NAALADL2: variants seen among roughly 807,000 people sequenced by gnomAD.
The protein encoded by NAALADL2 is inactive N-acetylated-alpha-linked acidic dipeptidase-like protein 2.
Under a neutral mutation model 87.2 loss-of-function variants are expected in NAALADL2, and 76 were observed. The ratio of observed to expected loss-of-function variants is 0.87; its 90% CI spans 0.72 to 1.05. The LOEUF (loss-of-function observed/expected upper bound fraction) is 1.05. Ranked by LOEUF, NAALADL2 falls within the 50% of genes least tolerant of loss-of-function variation. The pLI, the probability that NAALADL2 is intolerant of heterozygous loss-of-function variation, is 0.00. For synonymous variants in NAALADL2, 354 were observed against 331.0 expected (o/e 1.07, Z -0.75); for missense variants, 1,089 against 945.8 (o/e 1.15, Z -1.99).
At chr3:174,848,571 CACTG>C (rs1234428074) in intron 3 of NAALADL2, among the ~76,000 whole-genome samples, 2 of 152,264 alleles carry the variant, frequency 1.3e-5, no homozygotes, top group East Asian at 1.9e-4. Flanking sequence ...ATAGAGGACT[CACTG>C]ACTGTGAGCC....
At chr3:174,511,090 G>T (rs1719571673) in intron 1 of NAALADL2, among the ~76,000 whole-genome samples, 1 of 151,862 alleles carries the variant, frequency 6.6e-6, no homozygotes, top group Non-Finnish European at 1.5e-5. Context: ...AATTTATTAA[G>T]ATTTTTTTAT....
In NAALADL2 at chr3:175,388,976, CTATTT is replaced by C. The variant is rs747804943; in HGVS notation, c.1091-58251_1091-58247del. Among the ~76,000 whole-genome samples, 107 of 152,116 alleles carry C rather than the reference CTATTT, an allele frequency of 7.0e-4. 1 individual carries two copies. The highest frequency in any genetic ancestry group is 1.2e-3 in the Non-Finnish European group (83 of 67,962). On this transcript the variant is annotated intron_variant, in intron 5 of 13. Transcript: ENST00000454872. ...AAATTATTCTGCCCTGATGAGTATTCTATTTTGTTTCTGTTTAATGGTACTTTTTA... is the reference window on the plus strand; with the variant it reads ...AAATTATTCTGCCCTGATGAGTATTCTGTTTCTGTTTAATGGTACTTTTTA...
At chr3:175,569,224 C>A (rs1717665040) in intron 9 of NAALADL2, among the ~76,000 whole-genome samples, 1 of 152,074 alleles carries the variant, frequency 6.6e-6, no homozygotes, top group Non-Finnish European at 1.5e-5. Context: ...TGCCCAGGAC[C>A]ACATCTATAA....
At chr3:175,393,488 T>C (rs1393298454) in intron 5 of NAALADL2, among the ~76,000 whole-genome samples, 1 of 152,008 alleles carries the variant, frequency 6.6e-6, no homozygotes. Flanking sequence ...TTTTAGGTTA[T>C]AATTCTCAGT....
intron 2 of NAALADL2, among the ~76,000 whole-genome samples, chr3:174,610,186 C>T (rs1370477180): frequency 1.1e-4 from 12 of 108,404 alleles, no homozygotes; most frequent in Admixed American, 3.2e-4. Flanking sequence ...AAGACTTAAA[C>T]GTTAGACCTA....
At chr3:174,649,106 G>T (rs1724097915) in intron 2 of NAALADL2, among the ~76,000 whole-genome samples, 1 of 152,018 alleles carries the variant, frequency 6.6e-6, no homozygotes, top group Admixed American at 6.6e-5. Flanking sequence ...TGGGATTACA[G>T]GCTCCTGCCA....
chr3:174,568,753 C>G (rs1422999199), intron 2 of NAALADL2, among the ~76,000 whole-genome samples: 1 of 151,400 alleles, frequency 6.6e-6, no homozygotes, highest in Non-Finnish European at 1.5e-5. Flanking sequence ...TTCTGAATCC[C>G]CATGCCATAT....
At chr3:174,990,897 G>A (rs552637020) in intron 1 of NAALADL2, among the ~76,000 whole-genome samples, 1 of 152,190 alleles carries the variant, frequency 6.6e-6, no homozygotes, top group Admixed American at 6.6e-5. Flanking sequence ...GAAGTGAAAG[G>A]CACTCCCCTA....
Position 174,908,896 on chromosome 3 carries a change from C to T in NAALADL2, c.43+49446C>T, listed in dbSNP as rs184295680. Among the ~76,000 whole-genome samples, 764 of 151,422 alleles carry T rather than the reference C, an allele frequency of 5.0e-3. 4 individuals are homozygous for T. Among genetic ancestry groups the T allele is most frequent in the Middle Eastern group, 0.02 (6 of 294 alleles). ...CTAATTTTAAAGAAGAAAAGGAATC[C>T]GAAAGAGGGATGGCTATAGCAACCT... On this transcript the variant is annotated intron_variant, in intron 1 of 13. Transcript: ENST00000454872.
chr3:174,576,268 A>G (rs761642310), intron 2 of NAALADL2, among the ~76,000 whole-genome samples: 4 of 152,208 alleles, frequency 2.6e-5, no homozygotes, highest in Non-Finnish European at 5.9e-5. Context: ...AAAAAATTAT[A>G]AAAACTTGAA....
chr3:175,256,588 A>C, intron 4 of NAALADL2, 58 bp downstream of exon 4: 1 of 1,556,280 alleles, frequency 6.4e-7, no homozygotes, highest in Non-Finnish European at 8.7e-7. Flanking sequence ...GTTTTGTTGG[A>C]ATTATATGCT....
intron 1 of NAALADL2, among the ~76,000 whole-genome samples, chr3:174,871,907 T>G (rs950702337): frequency 1.3e-5 from 2 of 151,964 alleles, no homozygotes; most frequent in African/African-American, 4.8e-5. Flanking sequence ...TCAAAATAAA[T>G]AAATAAATAA....
At chr3:175,472,175 C>T (rs1291974220) in intron 9 of NAALADL2, among the ~76,000 whole-genome samples, 1 of 150,928 alleles carries the variant, frequency 6.6e-6, no homozygotes, top group African/African-American at 2.4e-5. Context: ...TGTGTAGGCC[C>T]CCCGAGAGCA....
At chr3:174,558,545 G>A (rs1194310855) in intron 2 of NAALADL2, among the ~76,000 whole-genome samples, 2 of 152,084 alleles carry the variant, frequency 1.3e-5, no homozygotes, top group African/African-American at 4.8e-5. Flanking sequence ...CTCATGAAGG[G>A]CACACAATCT....
chr3:175,371,257 G>T (rs1394946945), intron 5 of NAALADL2, among the ~76,000 whole-genome samples: 1 of 151,896 alleles, frequency 6.6e-6, no homozygotes, highest in East Asian at 2.0e-4. Context: ...TAATATTATG[G>T]ATGATATTAT....
chr3:175,152,518 G>A (rs992588807), intron 2 of NAALADL2, among the ~76,000 whole-genome samples: 2 of 152,092 alleles, frequency 1.3e-5, no homozygotes, highest in African/African-American at 4.8e-5. Context: ...AAGAGAACTG[G>A]CACACCAAAA....
chr3:174,619,726 C>A (rs1179174194), intron 2 of NAALADL2, among the ~76,000 whole-genome samples: 1 of 151,876 alleles, frequency 6.6e-6, no homozygotes, highest in African/African-American at 2.4e-5. Context: ...CTATTTGTAA[C>A]CACAGCTTTC....
At chr3:175,627,007 A>C (rs562057312) in intron 10 of NAALADL2, among the ~76,000 whole-genome samples, 1 of 151,800 alleles carries the variant, frequency 6.6e-6, no homozygotes, top group Non-Finnish European at 1.5e-5. Flanking sequence ...AATATTTAAG[A>C]TTTTCTGTCC....
intron 5 of NAALADL2, among the ~76,000 whole-genome samples, chr3:175,360,927 G>T (rs1219000369): frequency 1.3e-5 from 2 of 150,522 alleles, no homozygotes; most frequent in African/African-American, 4.9e-5. Flanking sequence ...GTGCAGGTTT[G>T]TTAAATATGT....
Sources: gnomAD v4.1 joint callset for allele counts (sites outside exome capture counted in the v4.1 genomes callset) on GRCh38, gnomAD v4.1.1 for gene constraint, MANE v1.5 for transcripts, NCBI Gene and HGNC (gene_info 2026-07-23, HGNC 2026-07-21) for gene names.